The following ASCL4 variants were observed in gnomAD, a reference collection of about 807,000 sequenced individuals.
ASCL4 encodes the protein achaete-scute family bHLH transcription factor 4.
Under a neutral mutation model 0.3 loss-of-function variants are expected in ASCL4, and 1 was observed. The observed-to-expected ratio is 3.35, with a 90% CI of 1.19 to 15.89. ASCL4 has a LOEUF of 15.89. Among genes scored for constraint, ASCL4 ranks in the 30% most tolerant of loss-of-function variants. The probability of loss-of-function intolerance (pLI) is 0.12; values close to 1 mark genes in which losing one functional copy is unlikely to be tolerated. For missense variants in ASCL4, 330 were observed against 256.9 expected, an observed-to-expected ratio of 1.28 and a Z score of -1.94; for synonymous variants, 137 against 119.5, an observed-to-expected ratio of 1.15 and a Z score of -0.96.
Position 107,775,751 on chromosome 12 carries a change from T to G in ASCL4, c.*14T>G, listed in dbSNP as rs764563709. On this transcript the variant is annotated 3_prime_UTR_variant, in exon 1 of 1. Coordinates refer to ENST00000342331, the MANE Select transcript of ASCL4 (RefSeq NM_203436.3). ...GGGGGCAGCTAGCGAGCGCCCGAAC[T>G]GGCCAGGACCCCCGCGCCCGCCGCA... 1.1e-5 allele frequency: 15 copies of G among 1,411,168 alleles called. No homozygotes were observed. The highest frequency in any genetic ancestry group is 1.4e-5 in the Non-Finnish European group (15 of 1,088,978). The allele number at this position is 1,411,168 out of a possible 1,614,324, so 87.4% of individuals were successfully genotyped here.
At position 107,775,720 on chromosome 12, in the gene ASCL4, G is replaced by A; in HGVS notation, c.502G>A (p.Glu168Lys). 2.1e-6 allele frequency: 3 copies of A among 1,448,654 alleles called. No homozygotes were observed. Among genetic ancestry groups the A allele is most frequent in the African/African-American group, 3.0e-5 (2 of 67,236 alleles). The allele number at this position is 1,448,654 out of a possible 1,614,324, so 89.7% of individuals were successfully genotyped here. The change falls in exon 1 of 1, where the codon GAG becomes AAG. Residue 168 changes from glutamate (E) to lysine (K), a missense_variant. Glu to Lys is a moderately conservative substitution (Grantham distance 56, BLOSUM62 1). Transcript: ENST00000342331. ...GGCGCCTTCGCCCAGCAGCGAGCCCGAGGAGGGGGGCAGCTAGCGAGCGCC... is the reference window on the plus strand; with the variant it reads ...GGCGCCTTCGCCCAGCAGCGAGCCCAAGGAGGGGGGCAGCTAGCGAGCGCC... ...SSAPSPSSEP[E>K]EGGS
chr12:107,775,177 G>T lies in ASCL4; in HGVS notation c.-42G>T. ...ATTCTGTTTCGTCTTCTTCTATTGA[G>T]AGATTGACCTCTTGAGTGATTTGTG... On this transcript the variant is annotated 5_prime_UTR_variant, in exon 1 of 1. Transcript: ENST00000342331. 1 of 1,593,542 alleles carries T rather than the reference G, an allele frequency of 6.3e-7. No homozygotes were observed. The highest frequency in any genetic ancestry group is 8.6e-7 in the Non-Finnish European group (1 of 1,167,920).
In ASCL4 at chr12:107,775,405, G is replaced by A. The variant is rs754138406; in HGVS notation, c.187G>A (p.Val63Met). ...GCARGWQYLP[V>M]PLDSAFEPAF... ...CGCACGGGGATGGCAGTACTTGCCCGTGCCGCTGGACAGCGCCTTCGAGCC... is the reference window on the plus strand; with the variant it reads ...CGCACGGGGATGGCAGTACTTGCCCATGCCGCTGGACAGCGCCTTCGAGCC... Residue 63 changes from valine to methionine, a missense_variant, in exon 1 of 1, where the codon GTG becomes ATG. Physicochemically the swap from Val to Met is conservative, Grantham distance 21 (BLOSUM62 1). Transcript: ENST00000342331. The A allele has an allele frequency of 1.9e-6, 3 of 1,589,582 alleles. No homozygotes were observed. The highest frequency in any genetic ancestry group is 2.6e-6 in the Non-Finnish European group (3 of 1,171,708).
chr12:107,775,763 C>T lies in ASCL4; in HGVS notation c.*26C>T. On this transcript the variant is annotated 3_prime_UTR_variant, in exon 1 of 1. Coordinates refer to ENST00000342331, the MANE Select transcript of ASCL4 (RefSeq NM_203436.3). ...CGAGCGCCCGAACTGGCCAGGACCC[C>T]CGCGCCCGCCGCACAGCGCGCAGCC... 7.2e-7 allele frequency: 1 copy of T among 1,386,208 alleles called. No individual in the cohort carries two copies. The highest frequency in any genetic ancestry group is 9.3e-7 in the Non-Finnish European group (1 of 1,075,928). 85.9% of individuals were successfully genotyped at this position (1,386,208 alleles called of 1,614,324 possible). A position where few individuals can be genotyped will look rare whatever the true frequency, so the allele number is the denominator to read the frequency against.
At position 107,775,975 on chromosome 12, in the gene ASCL4, A is replaced by G; in HGVS notation, c.*238A>G. The G allele has an allele frequency of 2.4e-6, 1 of 422,344 alleles. No individual in the cohort carries two copies. The highest frequency in any genetic ancestry group is 4.2e-6 in the Non-Finnish European group (1 of 236,748). The allele number at this position is 422,344 out of a possible 1,614,324, so 26.2% of individuals were successfully genotyped here. On this transcript the variant is annotated 3_prime_UTR_variant, in exon 1 of 1. Transcript: ENST00000342331. ...GCCTGCAACTTATAGGTGCTTATTA[A>G]GGAGACTCTTTTCCTATACTTCTAA...
Position 107,775,003 on chromosome 12 carries a change from C to G in ASCL4, c.-216C>G. The G allele has an allele frequency of 8.6e-6, 5 of 582,824 alleles. No homozygotes were observed. The highest frequency in any genetic ancestry group is 1.5e-5 in the Non-Finnish European group (5 of 340,506). 36.1% of individuals were successfully genotyped at this position (582,824 alleles called of 1,614,324 possible). On this transcript the variant is annotated 5_prime_UTR_variant, in exon 1 of 1. The change creates a new upstream start codon in the 5' untranslated region. Coordinates refer to ENST00000342331, the MANE Select transcript of ASCL4 (RefSeq NM_203436.3). ...CTTTGCCTACCACCTCTGCCTAAATCATAAAAAGATCGAGGAGTGCAATGA... is the reference window on the plus strand; with the variant it reads ...CTTTGCCTACCACCTCTGCCTAAATGATAAAAAGATCGAGGAGTGCAATGA...
In ASCL4 at chr12:107,775,121, G is replaced by A. The variant is rs1891435875; in HGVS notation, c.-98G>A. 1 of 1,494,078 alleles carries A rather than the reference G, an allele frequency of 6.7e-7. No individual in the cohort carries two copies. 92.6% of individuals were successfully genotyped at this position (1,494,078 alleles called of 1,614,324 possible). ...CTGCAAAGACAGACCCACTGAGCCA[G>A]GCAGTCTGCACCAGCACCTCTGCTT... On this transcript the variant is annotated 5_prime_UTR_variant, in exon 1 of 1. Coordinates refer to ENST00000342331, the MANE Select transcript of ASCL4 (RefSeq NM_203436.3).
chr12:107,775,170 C>T lies in ASCL4; in HGVS notation c.-49C>T, dbSNP rs774080356. 6.3e-7 allele frequency: 1 copy of T among 1,586,684 alleles called. No individual in the cohort carries two copies. The highest frequency in any genetic ancestry group is 8.6e-7 in the Non-Finnish European group (1 of 1,163,840). The stretch of plus-strand genomic sequence containing the variant: ...TTCTAAGATTCTGTTTCGTCTTCTT[C>T]TATTGAGAGATTGACCTCTTGAGTG... On this transcript the variant is annotated 5_prime_UTR_variant, in exon 1 of 1. Coordinates refer to ENST00000342331, the MANE Select transcript of ASCL4 (RefSeq NM_203436.3).
chr12:107,775,853 C>A lies in ASCL4; in HGVS notation c.*116C>A. On this transcript the variant is annotated 3_prime_UTR_variant, in exon 1 of 1. Transcript: ENST00000342331. ...TTCTTAATCTGGCATCTTCTCCAGG[C>A]CTAAATCTTAAGAAAAAGAAATGGG... 1 of 1,210,278 alleles carries A rather than the reference C, an allele frequency of 8.3e-7. No homozygotes were observed. The highest frequency in any genetic ancestry group is 1.1e-6 in the Non-Finnish European group (1 of 929,554). 75.0% of individuals were successfully genotyped at this position (1,210,278 alleles called of 1,614,324 possible). A position where few individuals can be genotyped will look rare whatever the true frequency, so the allele number is the denominator to read the frequency against.
Position 107,776,022 on chromosome 12 carries a change from T to C in ASCL4, c.*285T>C, listed in dbSNP as rs1891458523. 2.9e-6 allele frequency: 1 copy of C among 346,208 alleles called. No individual in the cohort carries two copies. The highest frequency in any genetic ancestry group is 5.4e-6 in the Non-Finnish European group (1 of 184,848). 21.4% of individuals were successfully genotyped at this position (346,208 alleles called of 1,614,324 possible). ...CTAAAATGCAAACTGTTTCAGATTC[T>C]GAGCACCTCATTGTAAATACGATTA... On this transcript the variant is annotated 3_prime_UTR_variant, in exon 1 of 1. Coordinates refer to ENST00000342331, the MANE Select transcript of ASCL4 (RefSeq NM_203436.3).
In ASCL4 at chr12:107,775,477, T is replaced by A; in HGVS notation, c.259T>A (p.Cys87Ser). ...RNERERQRVRCVNEGYARLRD... is the reference protein window; with the variant it reads ...RNERERQRVRSVNEGYARLRD... Reference sequence around the variant, plus strand: ...CGAGCGCGAGCGGCAGCGGGTGCGCTGCGTGAACGAGGGCTATGCGCGCCT... The same window carrying A: ...CGAGCGCGAGCGGCAGCGGGTGCGCAGCGTGAACGAGGGCTATGCGCGCCT... The change falls in exon 1 of 1, where the codon TGC (cysteine) becomes AGC (serine). Residue 87 changes from cysteine (C) to serine (S), a missense_variant. Cys to Ser is a moderately radical substitution (Grantham distance 112, BLOSUM62 -1). Transcript: ENST00000342331. The A allele has an allele frequency of 6.4e-7, 1 of 1,571,108 alleles. No individual in the cohort carries two copies. The highest frequency in any genetic ancestry group is 8.6e-7 in the Non-Finnish European group (1 of 1,166,840).
In ASCL4 at chr12:107,775,519, C is replaced by T. The variant is rs1303976243; in HGVS notation, c.301C>T (p.Arg101Trp). ...GYARLRDHLPRELADKRLSKV... is the reference protein window; with the variant it reads ...GYARLRDHLPWELADKRLSKV... ...TGCGCGCCTCCGAGACCACCTGCCC[C>T]GGGAGCTGGCAGACAAGCGCCTCAG... is the stretch of plus-strand genomic sequence containing the variant. Residue 101 changes from arginine (R) to tryptophan (W), a missense_variant, in exon 1 of 1, where the codon CGG (arginine) becomes TGG (tryptophan). Physicochemically the swap from Arg to Trp is moderately radical, Grantham distance 101. Coordinates refer to ENST00000342331, the MANE Select transcript of ASCL4 (RefSeq NM_203436.3). 1.9e-6 allele frequency: 3 copies of T among 1,572,240 alleles called. No individual in the cohort carries two copies. The highest frequency in any genetic ancestry group is 1.3e-5 in the African/African-American group (1 of 74,258).
chr12:107,775,774 G>T lies in ASCL4; in HGVS notation c.*37G>T, dbSNP rs754930773. The T allele has an allele frequency of 2.2e-6, 3 of 1,382,186 alleles. No individual in the cohort carries two copies. Among genetic ancestry groups the T allele is most frequent in the Non-Finnish European group, 2.8e-6 (3 of 1,072,576 alleles). 85.6% of individuals were successfully genotyped at this position (1,382,186 alleles called of 1,614,324 possible). A position where few individuals can be genotyped will look rare whatever the true frequency, so the allele number is the denominator to read the frequency against. On this transcript the variant is annotated 3_prime_UTR_variant, in exon 1 of 1. Coordinates refer to ENST00000342331, the MANE Select transcript of ASCL4 (RefSeq NM_203436.3). ...ACTGGCCAGGACCCCCGCGCCCGCC[G>T]CACAGCGCGCAGCCGGGCGCTCAAC...
At position 107,775,569 on chromosome 12, in the gene ASCL4, C is replaced by T. The variant is rs1351738695; in HGVS notation, c.351C>T (p.Ala117=). 6.3e-7 allele frequency: 1 copy of T among 1,580,200 alleles called. No individual in the cohort carries two copies. Among genetic ancestry groups the T allele is most frequent in the South Asian group, 1.1e-5 (1 of 88,244 alleles). Residue 117 remains alanine, a synonymous_variant, in exon 1 of 1, where the codon GCC becomes GCT. Coordinates refer to ENST00000342331, the MANE Select transcript of ASCL4 (RefSeq NM_203436.3). ...GCAAAGTGGAGACGCTCCGCGCTGC[C>T]ATCGACTACATCAAGCACCTGCAGG... ...RLSKVETLRA[A]IDYIKHLQEL... is the part of the protein sequence containing the mutation.
Position 107,774,945 on chromosome 12 carries a change from G to C in ASCL4, c.-274G>C, listed in dbSNP as rs1891433390. On this transcript the variant is annotated 5_prime_UTR_variant, in exon 1 of 1. Transcript: ENST00000342331. Reference sequence around the variant, plus strand: ...CTGAAAGAAGATCAGTGGGGAAGACGGGGTTTGAAGTGTGGATTAGGAGAT... The same window carrying C: ...CTGAAAGAAGATCAGTGGGGAAGACCGGGTTTGAAGTGTGGATTAGGAGAT... 2.1e-6 allele frequency: 1 copy of C among 466,090 alleles called. No individual in the cohort carries two copies. The highest frequency in any genetic ancestry group is 3.8e-6 in the Non-Finnish European group (1 of 266,146). 28.9% of individuals were successfully genotyped at this position (466,090 alleles called of 1,614,324 possible).
Position 107,775,077 on chromosome 12 carries a change from C to T in ASCL4, c.-142C>T. 2.7e-6 allele frequency: 3 copies of T among 1,106,948 alleles called. No homozygotes were observed. In the Admixed American group the frequency reaches 7.4e-5, roughly 27 times the overall value. 68.6% of individuals were successfully genotyped at this position (1,106,948 alleles called of 1,614,324 possible). A position where few individuals can be genotyped will look rare whatever the true frequency, so the allele number is the denominator to read the frequency against. On this transcript the variant is annotated 5_prime_UTR_variant, in exon 1 of 1. Transcript: ENST00000342331. ...CCCTGAAGCCTGTCCAGGAACCTAA[C>T]TTCTGGACCCAGAAACTTCTGCAAA...
Position 107,775,954 on chromosome 12 carries a change from G to A in ASCL4, c.*217G>A. On this transcript the variant is annotated 3_prime_UTR_variant, in exon 1 of 1. Transcript: ENST00000342331. ...CCCTGCCCTTATTGGTTACGTGCCT[G>A]CAACTTATAGGTGCTTATTAAGGAG... 1 of 474,340 alleles carries A rather than the reference G, an allele frequency of 2.1e-6. No homozygotes were observed. Among genetic ancestry groups the A allele is most frequent in the Non-Finnish European group, 3.6e-6 (1 of 278,980 alleles). 29.4% of individuals were successfully genotyped at this position (474,340 alleles called of 1,614,324 possible).
At position 107,775,649 on chromosome 12, in the gene ASCL4, A is replaced by G. The variant is rs1244136068; in HGVS notation, c.431A>G (p.Gln144Arg). Residue 144 changes from glutamine (Q) to arginine (R), a missense_variant, in exon 1 of 1, where the codon CAG becomes CGG. Coordinates refer to ENST00000342331, the MANE Select transcript of ASCL4 (RefSeq NM_203436.3). ...GAGGGCGCGGCCGGCGCCGTCCCCC[A>G]GCGCAGGGCGGAATGCAACAGCGAC... Reference protein sequence around the residue: ...GLEGAAGAVPQRRAECNSDGE... With the variant: ...GLEGAAGAVPRRRAECNSDGE... 4 of 1,549,168 alleles carry G rather than the reference A, an allele frequency of 2.6e-6. No individual in the cohort carries two copies. Among genetic ancestry groups the G allele is most frequent in the South Asian group, 1.2e-5 (1 of 84,448 alleles).
Position 107,774,880 on chromosome 12 carries a change from A to C in ASCL4, c.-339A>C. 1 of 302,400 alleles carries C rather than the reference A, an allele frequency of 3.3e-6. No individual in the cohort carries two copies. Among genetic ancestry groups the C allele is most frequent in the Non-Finnish European group, 6.1e-6 (1 of 163,888 alleles). 18.7% of individuals were successfully genotyped at this position (302,400 alleles called of 1,614,324 possible). A position where few individuals can be genotyped will look rare whatever the true frequency, so the allele number is the denominator to read the frequency against. On this transcript the variant is annotated 5_prime_UTR_variant, in exon 1 of 1. Coordinates refer to ENST00000342331, the MANE Select transcript of ASCL4 (RefSeq NM_203436.3). The stretch of plus-strand genomic sequence containing the variant: ...GACTCTGGTGTGAGCTCACCTTTCC[A>C]GGCTGGGGGACCAGGCAGAGGAACC...
Sources: allele counts gnomAD v4.1 joint callset, GRCh38; gene constraint gnomAD v4.1.1; transcripts MANE v1.5; gene names NCBI Gene and HGNC (gene_info 2026-07-23, HGNC 2026-07-21).